The following EYA2 variants were observed in gnomAD, a reference collection of about 807,000 sequenced individuals.
EYA2 encodes protein phosphatase EYA2.
In EYA2, 31 loss-of-function variants were observed where a neutral mutation model predicts 69.2. The ratio of observed to expected loss-of-function variants is 0.45; its 90% CI spans 0.34 to 0.60. EYA2 has a LOEUF of 0.60. Ranked by LOEUF, EYA2 falls within the 20% of genes least tolerant of loss-of-function variation. The probability of loss-of-function intolerance (pLI) is 0.02; values close to 1 mark genes in which losing one functional copy is unlikely to be tolerated. For synonymous variants in EYA2, 257 were observed against 279.4 expected (o/e 0.92, Z 0.80); for missense variants, 622 against 701.2 (o/e 0.89, Z 1.28).
chr20:47,030,615 C>T (rs1254819640), intron 5 of EYA2, among the ~76,000 whole-genome samples: 1 of 147,280 alleles, frequency 6.8e-6, no homozygotes, highest in Non-Finnish European at 1.5e-5. Context: ...GACAACAGAA[C>T]TTTATTTTCT....
At chr20:46,980,828 T>C (rs1418689423) in intron 1 of EYA2, among the ~76,000 whole-genome samples, 2 of 152,190 alleles carry the variant, frequency 1.3e-5, no homozygotes, top group Admixed American at 6.5e-5. Flanking sequence ...CTTTTTTAGC[T>C]CCCACATGTG....
At chr20:47,092,795 T>G (rs2032125086) in intron 8 of EYA2, among the ~76,000 whole-genome samples, 1 of 152,168 alleles carries the variant, frequency 6.6e-6, no homozygotes, top group Non-Finnish European at 1.5e-5. Flanking sequence ...CTTAATGTCA[T>G]CATAGAAGGT....
At chr20:47,007,285 A>G (rs936626192) in intron 4 of EYA2, among the ~76,000 whole-genome samples, 6 of 152,192 alleles carry the variant, frequency 3.9e-5, no homozygotes, top group Non-Finnish European at 8.8e-5. Flanking sequence ...GGCATAAAGG[A>G]AGCAAAGACT....
At chr20:47,187,148 C>T (rs551487725) in intron 15 of EYA2, among the ~76,000 whole-genome samples, 6 of 152,190 alleles carry the variant, frequency 3.9e-5, no homozygotes, top group African/African-American at 9.6e-5. Context: ...GTGGGTGGAT[C>T]GCTTGAGCCC....
At chr20:47,089,088 C>T in intron 7 of EYA2, 151 bp from the exon 8 acceptor site, 1 of 845,148 alleles carries the variant, frequency 1.2e-6, no homozygotes, top group South Asian at 1.9e-5. Context: ...TAAGGGACTT[C>T]CAAGGGCAGT....
At chr20:47,003,256 A>G (rs1407444530) in intron 3 of EYA2, among the ~76,000 whole-genome samples, 1 of 152,184 alleles carries the variant, frequency 6.6e-6, no homozygotes, top group Admixed American at 6.5e-5. Flanking sequence ...TTACCTGTAA[A>G]ATGGGGATAG....
chr20:47,143,000 G>T, intron 9 of EYA2, 59 bp from the exon 10 acceptor site: 3 of 1,518,636 alleles, frequency 2.0e-6, no homozygotes, highest in South Asian at 1.2e-5. Flanking sequence ...GGACCAAAAG[G>T]GTAGCTAAGA....
At chr20:46,917,615 C>T (rs150283269) in intron 1 of EYA2, among the ~76,000 whole-genome samples, 3 of 152,248 alleles carry the variant, frequency 2.0e-5, no homozygotes, top group Non-Finnish European at 2.9e-5. Context: ...AAGCCAATAT[C>T]GCAGTAAAGC....
chr20:47,011,321 A>G (rs1279714884), intron 4 of EYA2, among the ~76,000 whole-genome samples: 8 of 152,146 alleles, frequency 5.3e-5, no homozygotes, highest in Non-Finnish European at 8.8e-5. Context: ...CCATGGGCTG[A>G]TCCAAATTCA....
chr20:47,131,077 G>A (rs1017879891), intron 9 of EYA2, among the ~76,000 whole-genome samples: 3 of 151,870 alleles, frequency 2.0e-5, no homozygotes, highest in African/African-American at 7.3e-5. Flanking sequence ...CTACAAGAGC[G>A]AAACTCCATC....
chr20:47,134,186 G>A (rs888099820), intron 9 of EYA2, among the ~76,000 whole-genome samples: 4 of 152,176 alleles, frequency 2.6e-5, no homozygotes, highest in African/African-American at 4.8e-5. Flanking sequence ...TAGATGTCTG[G>A]TGCACTTGGA....
intron 13 of EYA2, among the ~76,000 whole-genome samples, chr20:47,180,398 C>A (rs372128871): frequency 2.0e-5 from 3 of 152,098 alleles, no homozygotes; most frequent in Non-Finnish European, 2.9e-5. Context: ...GAGCTAATAG[C>A]GGCAGAGACT....
intron 1 of EYA2, among the ~76,000 whole-genome samples, chr20:46,937,516 C>T (rs1002937612): frequency 6.6e-6 from 1 of 152,114 alleles, no homozygotes; most frequent in Admixed American, 6.5e-5. Flanking sequence ...GGATTGGCGG[C>T]GATTTTCTGC....
At chr20:47,048,915 C>T (rs1284250873) in intron 5 of EYA2, among the ~76,000 whole-genome samples, 1 of 152,174 alleles carries the variant, frequency 6.6e-6, no homozygotes, top group Admixed American at 6.5e-5. Context: ...TAGTGGGTGA[C>T]ATTTGTTCCA....
chr20:47,148,286 C>G (rs1359866732), intron 10 of EYA2, among the ~76,000 whole-genome samples: 1 of 152,032 alleles, frequency 6.6e-6, no homozygotes, highest in Non-Finnish European at 1.5e-5. Flanking sequence ...AGAAAAGCCC[C>G]CACCATCTAG....
intron 5 of EYA2, among the ~76,000 whole-genome samples, chr20:47,023,632 G>GTTTTTT (rs60939329): frequency 0.022 from 2,002 of 89,770 alleles, 55 homozygotes; most frequent in Non-Finnish European, 0.029. Context: ...GATTTTGGGT[G>GTTTTTT]TTTTTTTTTT....
Position 47,188,284 on chromosome 20 carries a change from G to A in EYA2, c.*151G>A, listed in dbSNP as rs1430082077. 5 of 676,854 alleles carry A rather than the reference G, an allele frequency of 7.4e-6. No homozygotes were observed. Among genetic ancestry groups the A allele is most frequent in the Middle Eastern group, 2.5e-4 (1 of 4,058 alleles). 41.9% of individuals were successfully genotyped at this position (676,854 alleles called of 1,614,324 possible). A position where few individuals can be genotyped will look rare whatever the true frequency, so the allele number is the denominator to read the frequency against. On this transcript the variant is annotated 3_prime_UTR_variant, in exon 16 of 16. Coordinates refer to ENST00000327619, the MANE Select transcript of EYA2 (RefSeq NM_005244.5). The stretch of plus-strand genomic sequence containing the variant: ...GTGTCCAGTGACCATCTCAGAAGCC[G>A]TCCATCAGTCCAAATGGGGGTTCTG...
At chr20:47,012,690 C>T (rs73622693) in intron 4 of EYA2, among the ~76,000 whole-genome samples, 5,669 of 152,210 alleles carry the variant, frequency 0.037, 422 homozygotes, top group East Asian at 0.28. Context: ...GACAGGGTTT[C>T]GCCATGTTAG....
chr20:46,915,776 G>A (rs1477057049), intron 1 of EYA2, among the ~76,000 whole-genome samples: 1 of 152,164 alleles, frequency 6.6e-6, no homozygotes, highest in African/African-American at 2.4e-5. Context: ...TGACAATTGA[G>A]GGTCTCAGTC....
Sources: allele counts gnomAD v4.1 joint callset (sites outside exome capture counted in the v4.1 genomes callset), GRCh38; gene constraint gnomAD v4.1.1; transcripts MANE v1.5; gene names NCBI Gene and HGNC (gene_info 2026-07-23, HGNC 2026-07-21).